RBPJL: variants seen among roughly 807,000 people sequenced by gnomAD.
RBPJL encodes the protein recombining binding protein suppressor of hairless-like protein.
Under a neutral mutation model 57.6 loss-of-function variants are expected in RBPJL, and 50 were observed. The observed-to-expected ratio is 0.87, with a 90% CI of 0.69 to 1.10. RBPJL has a LOEUF of 1.10. Among genes scored for constraint, RBPJL ranks in the 50% least tolerant of loss-of-function variants. RBPJL has a pLI of 0.00. For synonymous variants in RBPJL, 303 were observed against 294.4 expected (o/e 1.03, Z -0.30); for missense variants, 684 against 693.7 (o/e 0.99, Z 0.16).
At chr20:45,312,545 G>C (rs1987238790) in intron 6 of RBPJL, 150 bp downstream of exon 6, 2 of 762,102 alleles carry the variant, frequency 2.6e-6, no homozygotes, top group Non-Finnish European at 4.2e-6. Context: ...AAGGAGTCTG[G>C]ATGAGTGGGT....
Position 45,316,194 on chromosome 20 carries a change from C to G in RBPJL, c.1028C>G (p.Pro343Arg), listed in dbSNP as rs553784068. Residue 343 changes from proline (P) to arginine (R), a missense_variant, in exon 10 of 12, where the codon CCC (proline) becomes CGC (arginine). Coordinates refer to ENST00000343694, the MANE Select transcript of RBPJL (RefSeq NM_014276.4). The stretch of plus-strand genomic sequence containing the variant: ...CCTTGGGTCTCCTCCCAGGCCTCTC[C>G]CTGCCCCAAGGAGGCGAACAGGGCT... The part of the protein sequence containing the change: ...TEKVVQFQAS[P>R]CPKEANRALL... 4.4e-5 allele frequency: 71 copies of G among 1,613,790 alleles called. 1 individual carries two copies. In the South Asian group the frequency reaches 6.8e-4, roughly 15 times the overall value.
At chr20:45,315,931 AAAGG>A (rs902642408) in intron 9 of RBPJL, 26 of 385,280 alleles carry the variant, frequency 6.7e-5, no homozygotes, top group Middle Eastern at 6.5e-4. Flanking sequence ...AAGAAAAAGA[AAAGG>A]AAGGAAGGAA....
intron 1 of RBPJL, among the ~76,000 whole-genome samples, chr20:45,307,381 G>A (rs1480579339): frequency 6.6e-6 from 1 of 152,134 alleles, no homozygotes; most frequent in Non-Finnish European, 1.5e-5. Context: ...TCCCAGGCCT[G>A]GTAGAAGAAC....
At chr20:45,307,273 G>A (rs1986798771) in intron 1 of RBPJL, among the ~76,000 whole-genome samples, 1 of 152,026 alleles carries the variant, frequency 6.6e-6, no homozygotes, top group Admixed American at 6.6e-5. Flanking sequence ...CTCCGCCCCC[G>A]CCCCCCAATT....
intron 1 of RBPJL, 30 bp from the exon 2 acceptor site, chr20:45,308,113 T>C: frequency 6.5e-7 from 1 of 1,527,434 alleles, no homozygotes; most frequent in Non-Finnish European, 9.1e-7. Context: ...TACACTCGCC[T>C]GACCTGGCTT....
intron 1 of RBPJL, 123 bp from the exon 2 acceptor site, chr20:45,308,020 G>A (rs573251083): frequency 7.9e-6 from 5 of 633,940 alleles, no homozygotes; most frequent in African/African-American, 1.8e-5. Flanking sequence ...GAGGGTGGGG[G>A]CTCGATTTGG....
At chr20:45,311,007 G>A (rs1490814279) in intron 3 of RBPJL, among the ~76,000 whole-genome samples, 1 of 151,792 alleles carries the variant, frequency 6.6e-6, no homozygotes, top group Non-Finnish European at 1.5e-5. Flanking sequence ...CACCTACTCA[G>A]GAGGCCGAGG....
chr20:45,317,284 G>A lies in RBPJL; in HGVS notation c.*325G>A, dbSNP rs1987524927. On this transcript the variant is annotated 3_prime_UTR_variant, in exon 12 of 12. Transcript: ENST00000343694. ...GTACTTAGTCTACAGACCTATGTGC[G>A]TGTCCCTATCCTTCTGTCCTTTTCT... The A allele has an allele frequency of 2.6e-6, 1 of 387,506 alleles. No individual in the cohort carries two copies. The highest frequency in any genetic ancestry group is 4.6e-6 in the Non-Finnish European group (1 of 216,490). 24.0% of individuals were successfully genotyped at this position (387,506 alleles called of 1,614,324 possible). A position where few individuals can be genotyped will look rare whatever the true frequency, so the allele number is the denominator to read the frequency against.
rs149571452 is a variant in RBPJL at position 45,314,556 on chromosome 20, G to A, written c.1011G>A (p.Val337=). ...TATGCCTTGCCACAGAGAAGGTGGTGCAATTTCAGGTAAGAAGCAGAGAAT... is the reference window on the plus strand; with the variant it reads ...TATGCCTTGCCACAGAGAAGGTGGTACAATTTCAGGTAAGAAGCAGAGAAT... ...TYLCLATEKV[V]QFQASPCPKE... Residue 337 remains valine, a synonymous_variant, in exon 9 of 12, where the codon GTG becomes GTA. Transcript: ENST00000343694. The A allele has an allele frequency of 1.5e-4, 240 of 1,612,866 alleles. No homozygotes were observed. Among genetic ancestry groups the A allele is most frequent in the Non-Finnish European group, 1.9e-4 (223 of 1,179,126 alleles).
intron 8 of RBPJL, 90 bp from the exon 9 acceptor site, chr20:45,314,323 C>A (rs1376630007): frequency 1.4e-6 from 2 of 1,443,980 alleles, no homozygotes; most frequent in Non-Finnish European, 1.9e-6. Context: ...GCCTGTGTGG[C>A]TATTGGAGTA....
At chr20:45,311,792 C>T (rs1268467739) in intron 4 of RBPJL, 47 bp from the exon 5 acceptor site, 1 of 1,532,492 alleles carries the variant, frequency 6.5e-7, no homozygotes. Flanking sequence ...TGCCTGGCAC[C>T]TGCGTCCTCC....
intron 1 of RBPJL, 93 bp downstream of exon 1, chr20:45,307,037 A>G: frequency 1.2e-6 from 1 of 820,618 alleles, no homozygotes. Context: ...AAATAGGAAA[A>G]CTAAGCCCCA....
rs764004936 is a variant in RBPJL, at chr20:45,313,430, C to A, written c.620-38C>A. 2.6e-6 allele frequency: 4 copies of A among 1,562,460 alleles called. No individual in the cohort carries two copies. The African/African-American group carries it at 5.4e-5, about 21-fold the overall frequency. On this transcript the variant is annotated intron_variant, in intron 6 of 11. Coordinates refer to ENST00000343694, the MANE Select transcript of RBPJL (RefSeq NM_014276.4). ...CCTATCCCCTCACCCTAACCCTGACCCTCACCCTCACCCTAACCCTGACCC... is the reference window on the plus strand; with the variant it reads ...CCTATCCCCTCACCCTAACCCTGACACTCACCCTCACCCTAACCCTGACCC...
chr20:45,313,646 G>T (rs543751498), intron 7 of RBPJL, 41 bp downstream of exon 7: 2 of 1,536,106 alleles, frequency 1.3e-6, no homozygotes, highest in South Asian at 2.4e-5. Flanking sequence ...CACTTCACAT[G>T]CATTAGCTTA....
In RBPJL at chr20:45,309,632, A is replaced by G. The variant is rs1354894733; in HGVS notation, c.197A>G (p.Glu66Gly). The change falls in exon 3 of 12, where the codon GAA (glutamate) becomes GGA (glycine). Residue 66 changes from glutamate (E) to glycine (G), a missense_variant. Glu to Gly is a moderately conservative substitution (Grantham distance 98). Coordinates refer to ENST00000343694, the MANE Select transcript of RBPJL (RefSeq NM_014276.4). Reference sequence around the variant, plus strand: ...CGCAGGTGCCTGCAGCAACAGTGTGAACAGACTGTGCGGATCCTGCATGCC... The same window carrying G: ...CGCAGGTGCCTGCAGCAACAGTGTGGACAGACTGTGCGGATCCTGCATGCC... Reference protein sequence around the residue: ...GVRRCLQQQCEQTVRILHAKV... With the variant: ...GVRRCLQQQCGQTVRILHAKV... 1 of 1,613,566 alleles carries G rather than the reference A, an allele frequency of 6.2e-7. No homozygotes were observed. Among genetic ancestry groups the G allele is most frequent in the African/African-American group, 1.3e-5 (1 of 74,914 alleles).
At position 45,317,125 on chromosome 20, in the gene RBPJL, C is replaced by T. The variant is rs919631347; in HGVS notation, c.*166C>T. Reference sequence around the variant, plus strand: ...CTGGTGGGTCTTACCCGGCTCACTCCCTCCCTTGTCCTTACACATACAGGA... The same window carrying T: ...CTGGTGGGTCTTACCCGGCTCACTCTCTCCCTTGTCCTTACACATACAGGA... On this transcript the variant is annotated 3_prime_UTR_variant, in exon 12 of 12. Coordinates refer to ENST00000343694, the MANE Select transcript of RBPJL (RefSeq NM_014276.4). 6 of 721,418 alleles carry T rather than the reference C, an allele frequency of 8.3e-6. No homozygotes were observed. The highest frequency in any genetic ancestry group is 1.3e-5 in the Non-Finnish European group (6 of 445,186). The allele number at this position is 721,418 out of a possible 1,614,324, so 44.7% of individuals were successfully genotyped here.
intron 3 of RBPJL, among the ~76,000 whole-genome samples, chr20:45,310,208 T>C (rs1249958541): frequency 6.6e-6 from 1 of 152,104 alleles, no homozygotes; most frequent in Admixed American, 6.5e-5. Flanking sequence ...GCTAGAAAGG[T>C]CAAGGAGGTT....
chr20:45,307,707 A>G (rs1352251044), intron 1 of RBPJL, among the ~76,000 whole-genome samples: 2 of 152,176 alleles, frequency 1.3e-5, no homozygotes, highest in African/African-American at 4.8e-5. Flanking sequence ...CTCAAAGTTC[A>G]TCACCTTTCC....
Position 45,316,485 on chromosome 20 carries a change from C to G in RBPJL, c.1185C>G (p.Gly395=). Residue 395 remains glycine, a synonymous_variant, in exon 11 of 12, where the codon GGC becomes GGG. Coordinates refer to ENST00000343694, the MANE Select transcript of RBPJL (RefSeq NM_014276.4). ...GTCCCACCCTCCCCCAGCTGAGCGG[C>G]GGGGGCGACGTGGCCACGCTGGAGC... is the stretch of plus-strand genomic sequence containing the variant. ...VPLISTLELS[G]GGDVATLELH... is the part of the protein sequence containing the mutation. The G allele has an allele frequency of 1.9e-6, 3 of 1,546,960 alleles. No individual in the cohort carries two copies. The highest frequency in any genetic ancestry group is 2.6e-6 in the Non-Finnish European group (3 of 1,145,792).
Sources: allele counts gnomAD v4.1 joint callset (sites outside exome capture counted in the v4.1 genomes callset), GRCh38; gene constraint gnomAD v4.1.1; transcripts MANE v1.5; gene names NCBI Gene and HGNC (gene_info 2026-07-23, HGNC 2026-07-21).